The following RTN4 variants were observed in gnomAD, a reference collection of about 807,000 sequenced individuals.
RTN4 encodes reticulon 4, also known as reticulon-4.
Under a neutral mutation model 90.4 loss-of-function variants are expected in RTN4, and 32 were observed. The observed-to-expected ratio is 0.35, with a 90% confidence interval of 0.27 to 0.48. The LOEUF (loss-of-function observed/expected upper bound fraction) is 0.48. Among genes scored for constraint, RTN4 ranks in the 20% least tolerant of loss-of-function variants. The pLI, the probability that RTN4 is intolerant of heterozygous loss-of-function variation, is 0.99. For missense variants in RTN4, 1,706 were observed against 1,430.2 expected (o/e 1.19, Z -3.11); for synonymous variants, 629 against 552.5 (o/e 1.14, Z -1.94).
intron 1 of RTN4, among the ~76,000 whole-genome samples, chr2:55,085,186 G>A (rs930765157): frequency 1.3e-5 from 2 of 152,250 alleles, no homozygotes; most frequent in African/African-American, 2.4e-5. Flanking sequence ...AAATAGAACT[G>A]TGTGTGTGTG....
intron 1 of RTN4, among the ~76,000 whole-genome samples, chr2:55,042,692 T>C (rs970754599): frequency 1.3e-5 from 2 of 152,348 alleles, no homozygotes; most frequent in Admixed American, 6.5e-5. Context: ...GGGATTTTTA[T>C]TGAGAGAAGA....
rs371420851 is a variant in RTN4 at position 54,973,804 on chromosome 2, G to C, written c.3477+17C>G. On this transcript the variant is annotated intron_variant, in intron 7 of 8. Transcript: ENST00000337526. ...TGAGTGCTCTATTCTGAAGTCAGCA[G>C]TTAGTTAGGAAATTACCTGATGCCG... is the stretch of plus-strand genomic sequence containing the variant. 3 of 1,609,922 alleles carry C rather than the reference G, an allele frequency of 1.9e-6. No individual in the cohort carries two copies. The highest frequency in any genetic ancestry group is 2.5e-6 in the Non-Finnish European group (3 of 1,177,266).
chr2:55,067,545 T>C (rs1291412159), intron 2 of RTN4, among the ~76,000 whole-genome samples: 1 of 152,152 alleles, frequency 6.6e-6, no homozygotes, highest in Non-Finnish European at 1.5e-5. Flanking sequence ...CCCAAGTAGC[T>C]GGGATTACAG....
intron 1 of RTN4, among the ~76,000 whole-genome samples, chr2:55,029,255 G>A (rs1682132387): frequency 6.6e-6 from 1 of 152,132 alleles, no homozygotes; most frequent in African/African-American, 2.4e-5. Flanking sequence ...AGACTTACCA[G>A]CCTCCAGAAT....
chr2:55,057,662 G>A (rs142908392), intron 2 of RTN4, among the ~76,000 whole-genome samples: 4 of 152,250 alleles, frequency 2.6e-5, no homozygotes, highest in East Asian at 1.9e-4. Context: ...TGAAGAATGC[G>A]TTTGAGAAAG....
chr2:55,116,047 A>T (rs1279340074), upstream of RTN4, among the ~76,000 whole-genome samples: 2 of 149,974 alleles, frequency 1.3e-5, no homozygotes, highest in African/African-American at 2.4e-5. Flanking sequence ...ATTGTGAGAG[A>T]CAACCCCAAA....
chr2:55,056,018 A>C (rs995696708), intron 2 of RTN4, among the ~76,000 whole-genome samples: 1 of 152,008 alleles, frequency 6.6e-6, no homozygotes, highest in South Asian at 2.1e-4. Flanking sequence ...ATATATATAT[A>C]TATCTGTACA....
rs905146490 is a variant in RTN4, at chr2:55,038,473, T to A, written c.557-10253A>T. Among the ~76,000 whole-genome samples the A allele has an allele frequency of 8.1e-5, 12 of 147,524 alleles. No individual in the cohort carries two copies. The Admixed American group carries it at 8.2e-4, about 10-fold the overall frequency. On this transcript the variant is annotated intron_variant, in intron 1 of 8. Transcript: ENST00000337526. ...ACAATTTAAGAATGGGCAAATTACT[T>A]GAACAGACACTTCACCAAAGAAAAC...
chr2:55,127,077 G>T, the RTN4 span, among the ~76,000 whole-genome samples: 1 of 152,112 alleles, frequency 6.6e-6, no homozygotes, highest in Non-Finnish European at 1.5e-5. Flanking sequence ...TAATACCTGG[G>T]TGATGAAATA....
chr2:55,027,558 T>C, intron 2 of RTN4, 73 bp from the exon 3 acceptor site: 3 of 1,451,142 alleles, frequency 2.1e-6, no homozygotes, highest in Non-Finnish European at 2.8e-6. Context: ...TTATGACAGA[T>C]CCAAAATAGT....
intron 1 of RTN4, among the ~76,000 whole-genome samples, chr2:55,081,097 C>A (rs952556058): frequency 3.3e-5 from 5 of 151,728 alleles, no homozygotes; most frequent in Non-Finnish European, 7.4e-5. Flanking sequence ...TATTTTGAAA[C>A]AGGAGCTCAC....
At chr2:55,051,225 A>G (rs1020380980), upstream of RTN4, among the ~76,000 whole-genome samples, 4 of 152,112 alleles carry the variant, frequency 2.6e-5, no homozygotes. Flanking sequence ...TTCCAAAGAG[A>G]GTTTGGGGCC....
chr2:55,107,403 C>CA (rs35664699), intron 1 of RTN4, among the ~76,000 whole-genome samples: 38,751 of 100,960 alleles, frequency 0.38, 6,784 homozygotes, highest in African/African-American at 0.47. Context: ...GACTGAACCT[C>CA]AAAAAAAAAA....
chr2:55,094,197 A>T (rs1668992984), intron 1 of RTN4, among the ~76,000 whole-genome samples: 3 of 152,156 alleles, frequency 2.0e-5, no homozygotes, highest in South Asian at 4.1e-4. Context: ...GTGCCTTCTA[A>T]GGAGAGATCT....
In RTN4 at chr2:55,031,018, AC is replaced by A. The variant is rs111446154; in HGVS notation, c.557-2799del. On this transcript the variant is annotated intron_variant, in intron 1 of 8. Coordinates refer to ENST00000337526, the MANE Select transcript of RTN4 (RefSeq NM_020532.5). ...AGATGTTCATTCTGTTCTCAAAACT[AC>A]CCTGTAAGGTAGGTACTACTGTTAC... is the stretch of plus-strand genomic sequence containing the variant. Among the ~76,000 whole-genome samples the A allele has an allele frequency of 5.4e-3, 823 of 152,268 alleles. 8 individuals carry two copies. Among genetic ancestry groups the A allele is most frequent in the African/African-American group, 0.018 (765 of 41,546 alleles).
chr2:55,061,368 A>G (rs1404602837), intron 2 of RTN4, among the ~76,000 whole-genome samples: 1 of 152,182 alleles, frequency 6.6e-6, no homozygotes, highest in Non-Finnish European at 1.5e-5. Context: ...TTTCCTACAT[A>G]GCCAAAATAA....
At position 55,104,999 on chromosome 2, in the gene RTN4, G is replaced by A. The variant is rs184709831; in HGVS notation, c.-214+7521C>T. On this transcript the variant is annotated intron_variant, in intron 1 of 3. Coordinates refer to the RTN4 transcript ENST00000427710. ...TTTTTATATTTTTTGTAGAGATGAG[G>A]TTTTGCCATGTTGCCCGGGCTGGTC... Among the ~76,000 whole-genome samples the A allele has an allele frequency of 4.0e-5, 6 of 151,592 alleles. No homozygotes were observed. In the East Asian group the frequency reaches 1.2e-3, roughly 30 times the overall value.
chr2:55,056,905 A>G (rs1668199848), intron 2 of RTN4, among the ~76,000 whole-genome samples: 1 of 152,208 alleles, frequency 6.6e-6, no homozygotes. Flanking sequence ...GGAGAATCAG[A>G]GGTTATGCAA....
Position 55,049,871 on chromosome 2 carries a change from G to A in RTN4, c.430C>T (p.Pro144Ser), listed in dbSNP as rs1668001691. The change falls in exon 1 of 9, where the codon CCC (proline) becomes TCC (serine). Residue 144 changes from proline (P) to serine (S), a missense_variant. By Grantham distance (74) the Pro-to-Ser change is moderately conservative. Coordinates refer to ENST00000337526, the MANE Select transcript of RTN4 (RefSeq NM_020532.5). Reference sequence around the variant, plus strand: ...CTCACGCTGGCCGGGGGAGGAGGGGGAGGCCGGGCCGGAGGCTCGTCGTCC... The same window carrying A: ...CTCACGCTGGCCGGGGGAGGAGGGGAAGGCCGGGCCGGAGGCTCGTCGTCC... ...PEDDEPPARP[P>S]PPPPASVSPQ... The A allele has an allele frequency of 7.6e-6, 10 of 1,317,684 alleles. No individual in the cohort carries two copies. Among genetic ancestry groups the A allele is most frequent in the Non-Finnish European group, 9.6e-6 (10 of 1,037,034 alleles). The allele number at this position is 1,317,684 out of a possible 1,614,324, so 81.6% of individuals were successfully genotyped here. A position where few individuals can be genotyped will look rare whatever the true frequency, so the allele number is the denominator to read the frequency against.
Sources: allele counts gnomAD v4.1 joint callset (sites outside exome capture counted in the v4.1 genomes callset), GRCh38; gene constraint gnomAD v4.1.1; transcripts MANE v1.5; gene names NCBI Gene and HGNC (gene_info 2026-07-23, HGNC 2026-07-21).